DNAH7: variants seen among roughly 807,000 people sequenced by gnomAD.
DNAH7 encodes dynein axonemal heavy chain 7.
DNAH7 carries 397 observed loss-of-function variants against 444.6 expected under a neutral mutation model. That is an observed-to-expected ratio of 0.89 (90% CI 0.82 to 0.97). DNAH7 has a LOEUF of 0.97. DNAH7 is among the 50% of genes least tolerant of loss of function. DNAH7 has a pLI of 0.00. For synonymous variants in DNAH7, 1,636 were observed against 1,624.4 expected, an observed-to-expected ratio of 1.01 and a Z score of -0.17; for missense variants, 4,902 against 4,800.8, an observed-to-expected ratio of 1.02 and a Z score of -0.62.
chr2:195,858,846 G>A, intron 42 of DNAH7, 42 bp from the exon 43 acceptor site: 2 of 1,509,684 alleles, frequency 1.3e-6, no homozygotes, highest in Non-Finnish European at 8.9e-7. Context: ...ATGAGGCTCT[G>A]TATCCTACAT....
At chr2:195,827,412 G>A (rs1697819705) in intron 48 of DNAH7, among the ~76,000 whole-genome samples, 1 of 151,080 alleles carries the variant, frequency 6.6e-6, no homozygotes, top group African/African-American at 2.4e-5. Flanking sequence ...TGGGTAGCTG[G>A]GACTACAGGT....
intron 17 of DNAH7, among the ~76,000 whole-genome samples, chr2:195,962,426 C>T (rs2375641): frequency 1.9e-4 from 29 of 152,264 alleles, no homozygotes; most frequent in Admixed American, 8.5e-4. Context: ...TCTCGGCTCA[C>T]GCAGCCTCGA....
intron 54 of DNAH7, among the ~76,000 whole-genome samples, chr2:195,804,621 C>T (rs1446618895): frequency 6.6e-6 from 1 of 152,216 alleles, no homozygotes; most frequent in Non-Finnish European, 1.5e-5. Context: ...GTCAAGCCTG[C>T]TTATAGTGCT....
intron 15 of DNAH7, among the ~76,000 whole-genome samples, chr2:195,978,602 TAAA>T (rs1692355475): frequency 6.6e-6 from 1 of 152,060 alleles, no homozygotes; most frequent in Non-Finnish European, 1.5e-5. Flanking sequence ...GTAAATGGAC[TAAA>T]CTCTCCAATC....
rs869263343 is a variant in DNAH7, at chr2:196,067,464, TTTG to T, written c.15+1230_15+1232del. Among the ~76,000 whole-genome samples the T allele has an allele frequency of 4.3e-4, 7 of 16,352 alleles. No individual in the cohort carries two copies. The Non-Finnish European group carries it at 6.7e-3, about 16-fold the overall frequency. 10.7% of individuals were successfully genotyped at this position (16,352 alleles called of 152,430 possible). Reference sequence around the variant, plus strand: ...TTTTTGGTTACTTGTATCTGAACTTTTTGTTTTTTGCTTGTCATTTACTCTTTT... The same window carrying T: ...TTTTTGGTTACTTGTATCTGAACTTTTTTTTTGCTTGTCATTTACTCTTTT... On this transcript the variant is annotated intron_variant, in intron 1 of 64. Coordinates refer to ENST00000312428, the MANE Select transcript of DNAH7 (RefSeq NM_018897.3).
intron 3 of DNAH7, among the ~76,000 whole-genome samples, chr2:196,048,824 T>C (rs1559369176): frequency 2.0e-5 from 3 of 152,210 alleles, no homozygotes; most frequent in Admixed American, 6.6e-5. Context: ...ATGTATTCCA[T>C]TGTTTCAGGC....
At chr2:195,854,063 G>T (rs1397592397) in intron 45 of DNAH7, among the ~76,000 whole-genome samples, 1 of 152,124 alleles carries the variant, frequency 6.6e-6, no homozygotes, top group Non-Finnish European at 1.5e-5. Context: ...CAATAGCTGA[G>T]AGCCTATTTG....
intron 27 of DNAH7, chr2:195,901,370 TATAAA>T (rs957290159): frequency 5.9e-5 from 9 of 152,214 alleles, no homozygotes; most frequent in African/African-American, 1.7e-4. Flanking sequence ...CTTCTGAAAA[TATAAA>T]ATAAAATAAA....
intron 19 of DNAH7, among the ~76,000 whole-genome samples, chr2:195,953,593 C>T (rs1053563307): frequency 1.3e-5 from 2 of 152,160 alleles, no homozygotes; most frequent in Non-Finnish European, 2.9e-5. Flanking sequence ...TCTATAAGCC[C>T]CTGACTGGGG....
rs377503343 is a variant in DNAH7, at chr2:195,926,406, G to A, written c.3612+20C>T. On this transcript the variant is annotated intron_variant, in intron 22 of 64. Coordinates refer to ENST00000312428, the MANE Select transcript of DNAH7 (RefSeq NM_018897.3). Reference sequence around the variant, plus strand: ...ATTGAAAAAATGCTTAAAAAAACCCGAGGGTTAATAAAACCTTACCTTTAT... The same window carrying A: ...ATTGAAAAAATGCTTAAAAAAACCCAAGGGTTAATAAAACCTTACCTTTAT... 1.0e-4 allele frequency: 154 copies of A among 1,479,078 alleles called. No homozygotes were observed. The African/African-American group carries it at 1.3e-3, about 13-fold the overall frequency. The allele number at this position is 1,479,078 out of a possible 1,614,324, so 91.6% of individuals were successfully genotyped here.
intron 58 of DNAH7, among the ~76,000 whole-genome samples, chr2:195,785,956 A>G (rs1695597386): frequency 6.6e-6 from 1 of 152,198 alleles, no homozygotes; most frequent in Non-Finnish European, 1.5e-5. Flanking sequence ...ATGTTACTAC[A>G]AGAACAAAGC....
At chr2:195,954,662 T>C (rs1690511607) in intron 19 of DNAH7, among the ~76,000 whole-genome samples, 1 of 152,224 alleles carries the variant, frequency 6.6e-6, no homozygotes, top group African/African-American at 2.4e-5. Flanking sequence ...AAAGTGTTCC[T>C]ATTTCTCCAC....
chr2:196,045,189 G>GAAGGAGGAGGAA (rs1697031250), intron 5 of DNAH7, among the ~76,000 whole-genome samples: 2 of 147,472 alleles, frequency 1.4e-5, no homozygotes, highest in African/African-American at 5.1e-5. Context: ...GAGAAGAGGA[G>GAAGGAGGAGGAA]AAGGAGGAGG....
In DNAH7 at chr2:196,059,049, T is replaced by G. The variant is rs1183081335; in HGVS notation, c.16-933A>C. On this transcript the variant is annotated intron_variant, in intron 1 of 64. Coordinates refer to ENST00000312428, the MANE Select transcript of DNAH7 (RefSeq NM_018897.3). ...ACATTTATGGGCAATTGATTTTTCA[T>G]GAGGGTTCCAAGACAATTTAATGGA... Among the ~76,000 whole-genome samples, 3 of 152,236 alleles carry G rather than the reference T, an allele frequency of 2.0e-5. No individual in the cohort carries two copies. In the East Asian group the frequency reaches 5.8e-4, roughly 29 times the overall value.
At chr2:195,962,338 C>G (rs558272812) in intron 17 of DNAH7, among the ~76,000 whole-genome samples, 29 of 152,192 alleles carry the variant, frequency 1.9e-4, no homozygotes, top group Non-Finnish European at 3.2e-4. Flanking sequence ...ATAAACAATC[C>G]AATTATACAC....
rs770883855 is a variant in DNAH7 at position 195,779,557 on chromosome 2, T to G, written c.10879-1572A>C. Among the ~76,000 whole-genome samples, 116 of 152,290 alleles carry G rather than the reference T, an allele frequency of 7.6e-4. 1 individual carries two copies. Among genetic ancestry groups the G allele is most frequent in the African/African-American group, 2.5e-3 (104 of 41,568 alleles). On this transcript the variant is annotated intron_variant, in intron 58 of 64. Coordinates refer to ENST00000312428, the MANE Select transcript of DNAH7 (RefSeq NM_018897.3). ...CATATGTTTTATAATATTTGTTGTT[T>G]TTTTTTTAAACTAGCCTCCTATCTA...
Position 195,935,891 on chromosome 2 carries a change from C to T in DNAH7, c.3272+708G>A, listed in dbSNP as rs947871536. Among the ~76,000 whole-genome samples the T allele has an allele frequency of 7.2e-5, 11 of 152,008 alleles. No individual in the cohort carries two copies. The East Asian group carries it at 1.4e-3, about 19-fold the overall frequency. On this transcript the variant is annotated intron_variant, in intron 20 of 64. Transcript: ENST00000312428. ...TGAGAAAGGAGGCTGCCCCTTTTAC[C>T]GGGGAATTGCAAAAAGGTTGGTGGG... is the stretch of plus-strand genomic sequence containing the variant.
At chr2:195,997,327 C>T (rs1225800283) in intron 12 of DNAH7, among the ~76,000 whole-genome samples, 2 of 152,080 alleles carry the variant, frequency 1.3e-5, no homozygotes, top group Admixed American at 6.5e-5. Flanking sequence ...TCCTGGCCAA[C>T]CTGGTGAAAC....
At chr2:195,766,249 C>T (rs1694583599) in intron 61 of DNAH7, among the ~76,000 whole-genome samples, 2 of 140,586 alleles carry the variant, frequency 1.4e-5, no homozygotes, top group South Asian at 2.3e-4. Flanking sequence ...TCTTGGCTCA[C>T]TGCAACCTCC....
Sources: allele counts gnomAD v4.1 joint callset (sites outside exome capture counted in the v4.1 genomes callset), GRCh38; gene constraint gnomAD v4.1.1; transcripts MANE v1.5; gene names NCBI Gene and HGNC (gene_info 2026-07-23, HGNC 2026-07-21).